Variants in KMT2C observed in about 807,000 individuals in gnomAD.
The protein encoded by KMT2C is lysine methyltransferase 2C.
KMT2C carries 88 observed loss-of-function variants against 507.9 expected under a neutral mutation model. The observed-to-expected ratio is 0.17, with a 90% CI of 0.15 to 0.21. KMT2C has a LOEUF of 0.21. KMT2C is among the 10% of genes least tolerant of loss of function. KMT2C has a pLI of 1.00. For missense variants in KMT2C, 4,954 were observed against 5,957.8 expected (o/e 0.83, Z 5.55); for synonymous variants, 2,049 against 2,080.8 (o/e 0.98, Z 0.42).
chr7:152,151,128 A>G lies in KMT2C; in HGVS notation c.12667-121T>C, dbSNP rs553262130. 9.8e-5 allele frequency: 65 copies of G among 663,712 alleles called. No homozygotes were observed. The East Asian group carries it at 1.8e-3, about 18-fold the overall frequency. 41.1% of individuals were successfully genotyped at this position (663,712 alleles called of 1,614,324 possible). ...CAGTGGTTCTTTATCTTAATAGTAGAAAGGAAACTATGTTCCAATATTTAG... is the reference window on the plus strand; with the variant it reads ...CAGTGGTTCTTTATCTTAATAGTAGGAAGGAAACTATGTTCCAATATTTAG... On this transcript the variant is annotated intron_variant, in intron 50 of 58. Coordinates refer to ENST00000262189, the MANE Select transcript of KMT2C (RefSeq NM_170606.3).
At chr7:152,398,790 C>T (rs1355233209) in intron 1 of KMT2C, among the ~76,000 whole-genome samples, 1 of 152,120 alleles carries the variant, frequency 6.6e-6, no homozygotes, top group African/African-American at 2.4e-5. Context: ...ATCTTCTAAT[C>T]TTCCACATAC....
chr7:152,177,712 C>T lies in KMT2C; in HGVS notation c.7741G>A (p.Val2581Ile), dbSNP rs144739427. ...CTCAGATTAGAAGATGCCTCTACAA[C>T]GCTGCCAGGTGGAGCACTGAAAGGC... ...RLPFSAPPGS[V>I]VEASSNLRHG... Residue 2581 changes from valine to isoleucine, a missense_variant, in exon 38 of 59, where the codon GTT (valine) becomes ATT (isoleucine). Val to Ile is a conservative substitution (Grantham distance 29, BLOSUM62 3). This residue lies in a region of KMT2C where 1,689 missense variants were observed against 1,654.3 expected (regional missense o/e 1.02). Transcript: ENST00000262189. 19 of 1,613,990 alleles carry T rather than the reference C, an allele frequency of 1.2e-5. No homozygotes were observed. The highest frequency in any genetic ancestry group is 9.3e-5 in the African/African-American group (7 of 74,898).
At chr7:152,316,656 T>C (rs542001911) in intron 3 of KMT2C, among the ~76,000 whole-genome samples, 1 of 152,192 alleles carries the variant, frequency 6.6e-6, no homozygotes, top group Non-Finnish European at 1.5e-5. Flanking sequence ...AACTAACCTA[T>C]AGCCTTTTGA....
intron 6 of KMT2C, among the ~76,000 whole-genome samples, chr7:152,292,921 C>T (rs151066559): frequency 1.5e-3 from 221 of 152,280 alleles, no homozygotes; most frequent in African/African-American, 4.3e-3. Flanking sequence ...GTCCTCACCA[C>T]TCTTCTAGTT....
At position 152,176,413 on chromosome 7, in the gene KMT2C, C is replaced by T. The variant is rs770550013; in HGVS notation, c.9040G>A (p.Gly3014Arg). ...LGTGKPATQT[G>R]PQTSQSGTSS... ...GTACCAGACTGACTTGTTTGAGGCC[C>T]AGTTTGAGTTGCAGGTTTTCCTGTC... is the stretch of plus-strand genomic sequence containing the variant. The change falls in exon 38 of 59, where the codon GGG (glycine) becomes AGG (arginine). Residue 3014 changes from glycine (G) to arginine (R), a missense_variant. Around this residue, in one of 29 missense-constraint regions of KMT2C, gnomAD observed 1,689 missense variants for 1,654.3 expected, o/e 1.02. Transcript: ENST00000262189. 2 of 1,614,116 alleles carry T rather than the reference C, an allele frequency of 1.2e-6. No homozygotes were observed. The highest frequency in any genetic ancestry group is 1.1e-5 in the South Asian group (1 of 91,078).
intron 6 of KMT2C, among the ~76,000 whole-genome samples, chr7:152,288,229 TA>T (rs36047379): frequency 0.11 from 12,833 of 121,106 alleles, 1,356 homozygotes; most frequent in African/African-American, 0.28. Context: ...TGAACTGATT[TA>T]AAAAAAAAAA....
At chr7:152,373,876 AT>A (rs869298838) in intron 1 of KMT2C, among the ~76,000 whole-genome samples, 8 of 152,196 alleles carry the variant, frequency 5.3e-5, no homozygotes, top group African/African-American at 1.9e-4. Flanking sequence ...CACAAACCTA[AT>A]TTTTTTTAAA....
chr7:152,187,577 G>A, intron 32 of KMT2C, 101 bp from the exon 33 acceptor site: 1 of 1,417,558 alleles, frequency 7.1e-7, no homozygotes, highest in Non-Finnish European at 9.7e-7. Flanking sequence ...ACAGTTAAAA[G>A]TAACATATTT....
chr7:152,192,236 C>G (rs1390573978), intron 31 of KMT2C, among the ~76,000 whole-genome samples: 2 of 151,998 alleles, frequency 1.3e-5, no homozygotes, highest in Non-Finnish European at 2.9e-5. Context: ...CTGAATAGTT[C>G]TTAATCGTTA....
rs1266516224 is a variant in KMT2C, at chr7:152,176,199, G to A, written c.9254C>T (p.Pro3085Leu). 4.4e-6 allele frequency: 7 copies of A among 1,598,204 alleles called. No individual in the cohort carries two copies. Among genetic ancestry groups the A allele is most frequent in the Non-Finnish European group, 6.0e-6 (7 of 1,172,044 alleles). ...CTCAAGAAAACTCCTACCAATATTAGGGAAGAACGGTTCTGATCGCTGACG... is the reference window on the plus strand; with the variant it reads ...CTCAAGAAAACTCCTACCAATATTAAGGAAGAACGGTTCTGATCGCTGACG... ...MIRQRSEPFF[P>L]NIDFDAITDP... is the part of the protein sequence containing the mutation. The change falls in exon 38 of 59, where the codon CCT becomes CTT. Residue 3085 changes from proline to leucine, a missense_variant. Physicochemically the swap from Pro to Leu is moderately conservative, Grantham distance 98. This residue lies in a region of KMT2C where 1,689 missense variants were observed against 1,654.3 expected (regional missense o/e 1.02). Transcript: ENST00000262189.
chr7:152,241,373 G>C (rs575457514), intron 14 of KMT2C, among the ~76,000 whole-genome samples: 1 of 152,330 alleles, frequency 6.6e-6, no homozygotes, highest in East Asian at 1.9e-4. Context: ...GCTAATTTTT[G>C]TATTTTAGGA....
intron 46 of KMT2C, chr7:152,155,079 G>C (rs1455948425): frequency 6.6e-6 from 1 of 152,174 alleles, no homozygotes. Flanking sequence ...CAGGCCAATT[G>C]TGAGGTCTCA....
rs10245041 is a variant in KMT2C at position 152,200,242 on chromosome 7, G to A, written c.4093-783C>T. 7.8e-3 allele frequency among the ~76,000 whole-genome samples: 1,186 copies of A among 152,274 alleles called. 20 individuals carry two copies. The highest frequency in any genetic ancestry group is 0.028 in the African/African-American group (1,145 of 41,562). ...CCAAACATGCACAAAAAAGTTCACT[G>A]TAGCATATTTTGTAATGTCAAGAAG... On this transcript the variant is annotated intron_variant, in intron 26 of 58. Transcript: ENST00000262189.
In KMT2C at chr7:152,324,789, T is replaced by G. The variant is rs549725404; in HGVS notation, c.389+5812A>C. The stretch of plus-strand genomic sequence containing the variant: ...AAAGATGCCTCACACACGAGGCTAG[T>G]GTAATTTTGTCTCCAAAACTAGGAC... On this transcript the variant is annotated intron_variant, in intron 3 of 58. Coordinates refer to ENST00000262189, the MANE Select transcript of KMT2C (RefSeq NM_170606.3). 1.9e-4 allele frequency among the ~76,000 whole-genome samples: 29 copies of G among 152,100 alleles called. 2 individuals are homozygous for G. The highest frequency in any genetic ancestry group is 3.9e-4 in the Admixed American group (6 of 15,298).
At chr7:152,394,798 ATTAT>A (rs2097527001) in intron 1 of KMT2C, among the ~76,000 whole-genome samples, 4 of 152,172 alleles carry the variant, frequency 2.6e-5, no homozygotes, top group Admixed American at 2.6e-4. Context: ...GTGGTAAATG[ATTAT>A]TTAAGTGAAT....
At chr7:152,418,167 T>C (rs1055055473) in intron 1 of KMT2C, among the ~76,000 whole-genome samples, 4 of 147,626 alleles carry the variant, frequency 2.7e-5, no homozygotes, top group Admixed American at 2.7e-4. Context: ...GTCAAACTCC[T>C]GACCTCAGAT....
chr7:152,361,350 G>C (rs1439002112), intron 1 of KMT2C, among the ~76,000 whole-genome samples: 1 of 152,134 alleles, frequency 6.6e-6, no homozygotes, highest in Non-Finnish European at 1.5e-5. Context: ...CACGAGGTCA[G>C]GAGATCGAGA....
rs767172840 is a variant in KMT2C at position 152,220,603 on chromosome 7, T to G, written c.3632A>C (p.Gln1211Pro). 6.2e-7 allele frequency: 1 copy of G among 1,611,988 alleles called. No individual in the cohort carries two copies. Among genetic ancestry groups the G allele is most frequent in the Non-Finnish European group, 8.5e-7 (1 of 1,179,808 alleles). Reference protein sequence around the residue: ...KPKLKLKIINQNSVAVLQTPP... With the variant: ...KPKLKLKIINPNSVAVLQTPP... ...GGTCTGAAGGACGGCCACGCTATTC[T>G]GATTTATAATCTTCAATTTCAATTT... Residue 1211 changes from glutamine (Q) to proline (P), a missense_variant, in exon 23 of 59, where the codon CAG (glutamine) becomes CCG (proline). Around this residue, in one of 29 missense-constraint regions of KMT2C, gnomAD observed 176 missense variants for 262.0 expected, o/e 0.67. Coordinates refer to ENST00000262189, the MANE Select transcript of KMT2C (RefSeq NM_170606.3).
chr7:152,202,877 T>C (rs921509327), intron 26 of KMT2C, 57 bp downstream of exon 26: 40 of 1,347,372 alleles, frequency 3.0e-5, no homozygotes, highest in Non-Finnish European at 4.1e-5. Context: ...TAAAACTCAA[T>C]ACATTTTATT....
Sources: gnomAD v4.1 joint callset for allele counts (sites outside exome capture counted in the v4.1 genomes callset) on GRCh38, gnomAD v4.1.1 for gene constraint, gnomAD v4.1.1 regional missense constraint, MANE v1.5 for transcripts, NCBI Gene and HGNC (gene_info 2026-07-23, HGNC 2026-07-21) for gene names.